Variants in NXPE2 observed in about 807,000 individuals in gnomAD.
NXPE2 encodes NXPE family member 2.
NXPE2 carries 34 observed loss-of-function variants against 34.4 expected under a neutral mutation model. The observed-to-expected ratio is 0.99, with a 90% CI of 0.75 to 1.31. The LOEUF is 1.31. Among genes scored for constraint, NXPE2 ranks in the 40% most tolerant of loss-of-function variants. NXPE2 has a pLI of 0.00. For missense variants in NXPE2, 649 were observed against 672.5 expected (o/e 0.97, Z 0.39); for synonymous variants, 235 against 231.3 (o/e 1.02, Z -0.15).
At chr11:114,726,362 T>A in the NXPE2 span, among the ~76,000 whole-genome samples, 3 of 152,012 alleles carry the variant, frequency 2.0e-5, no homozygotes, top group African/African-American at 7.2e-5. Flanking sequence ...TTTATCCTGC[T>A]TGAGGTTCTG....
the NXPE2 span, among the ~76,000 whole-genome samples, chr11:114,597,761 A>C: frequency 2.0e-5 from 3 of 152,146 alleles, no homozygotes; most frequent in Admixed American, 6.5e-5. Flanking sequence ...ACATGTCAAA[A>C]TGGCCCAGAA....
chr11:114,465,241 C>G, the NXPE2 span, among the ~76,000 whole-genome samples: 4 of 152,128 alleles, frequency 2.6e-5, no homozygotes, highest in African/African-American at 7.2e-5. Context: ...ATATTCATAA[C>G]AGTCCTACAT....
At chr11:114,604,004 G>C in the NXPE2 span, among the ~76,000 whole-genome samples, 1 of 151,698 alleles carries the variant, frequency 6.6e-6, no homozygotes, top group African/African-American at 2.4e-5. Context: ...TCGTCTCCTA[G>C]GTAACTACCA....
At chr11:114,573,098 T>A in the NXPE2 span, among the ~76,000 whole-genome samples, 1 of 152,178 alleles carries the variant, frequency 6.6e-6, no homozygotes, top group African/African-American at 2.4e-5. Flanking sequence ...AAGAATTTTG[T>A]ATCCAGCAAA....
chr11:114,665,397 A>T, the NXPE2 span, among the ~76,000 whole-genome samples: 3 of 152,162 alleles, frequency 2.0e-5, no homozygotes, highest in Admixed American at 1.3e-4. Context: ...AAATTCTGTG[A>T]ACATAGCACA....
the NXPE2 span, among the ~76,000 whole-genome samples, chr11:114,609,460 T>C: frequency 1.3e-5 from 2 of 151,848 alleles, no homozygotes; most frequent in African/African-American, 2.4e-5. Flanking sequence ...TGTTACCCAA[T>C]GGATAATAAG....
At chr11:114,726,237 A>G in the NXPE2 span, among the ~76,000 whole-genome samples, 3 of 151,922 alleles carry the variant, frequency 2.0e-5, no homozygotes, top group African/African-American at 4.8e-5. Flanking sequence ...TGCCATTTAA[A>G]TCATGCTCCC....
At chr11:114,529,308 G>T in the NXPE2 span, 5 of 153,026 alleles carry the variant, frequency 3.3e-5, no homozygotes, top group African/African-American at 9.6e-5. Flanking sequence ...GGAACTGATA[G>T]AAGTCTTAGG....
chr11:114,573,152 A>G, the NXPE2 span, among the ~76,000 whole-genome samples: 2 of 152,142 alleles, frequency 1.3e-5, no homozygotes, highest in Non-Finnish European at 2.9e-5. Context: ...TTCGAGACAA[A>G]TGCTGACAGA....
At chr11:114,645,326 A>T in the NXPE2 span, among the ~76,000 whole-genome samples, 10 of 152,092 alleles carry the variant, frequency 6.6e-5, no homozygotes, top group Admixed American at 6.6e-4. Context: ...AAAATAAAAA[A>T]ACCCAGTCCC....
At chr11:114,560,781 CCTT>C in the NXPE2 span, among the ~76,000 whole-genome samples, 3 of 152,114 alleles carry the variant, frequency 2.0e-5, no homozygotes, top group Admixed American at 1.3e-4. Context: ...GCCTATTAAT[CCTT>C]CTTTCCCCTC....
the NXPE2 span, among the ~76,000 whole-genome samples, chr11:114,587,465 A>C: frequency 1.3e-5 from 2 of 152,240 alleles, no homozygotes; most frequent in South Asian, 4.1e-4. Context: ...AGTCTCTCTC[A>C]AGATCCATCT....
chr11:114,552,359 AT>A, the NXPE2 span, among the ~76,000 whole-genome samples: 675 of 152,290 alleles, frequency 4.4e-3, 25 homozygotes, highest in East Asian at 0.091. Context: ...ATTGCAATAG[AT>A]TATTTACTTT....
At chr11:114,468,784 C>A in the NXPE2 span, among the ~76,000 whole-genome samples, 1 of 152,120 alleles carries the variant, frequency 6.6e-6, no homozygotes, top group Non-Finnish European at 1.5e-5. Flanking sequence ...TTCATAGCAA[C>A]CCTGTGAAAG....
At chr11:114,508,826 A>C in the NXPE2 span, among the ~76,000 whole-genome samples, 3 of 152,248 alleles carry the variant, frequency 2.0e-5, no homozygotes, top group East Asian at 5.8e-4. Context: ...ACCATTCACA[A>C]CATAGGCACA....
At chr11:114,725,192 A>G in the NXPE2 span, among the ~76,000 whole-genome samples, 1 of 152,128 alleles carries the variant, frequency 6.6e-6, no homozygotes, top group African/African-American at 2.4e-5. Flanking sequence ...ATATGGTACT[A>G]AATTTCCATT....
the NXPE2 span, chr11:114,594,848 A>AT: frequency 1.0e-5 from 8 of 773,838 alleles, no homozygotes; most frequent in African/African-American, 1.2e-4. Context: ...AACATTTGAA[A>AT]TTTTTTTGGC....
chr11:114,697,279 C>T (rs1454478446), intron 2 of NXPE2, among the ~76,000 whole-genome samples: 5 of 152,084 alleles, frequency 3.3e-5, no homozygotes, highest in African/African-American at 7.2e-5. Flanking sequence ...AAAACACACA[C>T]AGAGGGGAGG....
chr11:114,797,984 G>T, the NXPE2 span, among the ~76,000 whole-genome samples: 2 of 152,060 alleles, frequency 1.3e-5, no homozygotes, highest in Non-Finnish European at 2.9e-5. Context: ...TAGAAACCAT[G>T]GTTAAACTGA....
Sources: gnomAD v4.1 joint callset for allele counts (sites outside exome capture counted in the v4.1 genomes callset) on GRCh38, gnomAD v4.1.1 for gene constraint, MANE v1.5 for transcripts, NCBI Gene and HGNC (gene_info 2026-07-23, HGNC 2026-07-21) for gene names.